The following TRIM44 variants were observed in gnomAD, a reference collection of about 807,000 sequenced individuals.
The protein encoded by TRIM44 is tripartite motif-containing protein 44.
In TRIM44, 13 loss-of-function variants were observed where a neutral mutation model predicts 37.4. The ratio of observed to expected loss-of-function variants is 0.35; its 90% CI spans 0.23 to 0.55. The LOEUF is 0.55. Among genes scored for constraint, TRIM44 ranks in the 20% least tolerant of loss-of-function variants. The probability of loss-of-function intolerance (pLI) is 0.89; values close to 1 mark genes in which losing one functional copy is unlikely to be tolerated. For missense variants in TRIM44, 426 were observed against 437.2 expected (o/e 0.97, Z 0.23); for synonymous variants, 175 against 157.2 (o/e 1.11, Z -0.85).
chr11:35,757,866 ATT>A (rs1852666197), intron 4 of TRIM44, among the ~76,000 whole-genome samples: 1 of 152,030 alleles, frequency 6.6e-6, no homozygotes, highest in Non-Finnish European at 1.5e-5. Flanking sequence ...CTCAGAGACA[ATT>A]TGTTATAATT....
At chr11:35,714,341 T>C (rs1179017405) in intron 2 of TRIM44, among the ~76,000 whole-genome samples, 1 of 152,178 alleles carries the variant, frequency 6.6e-6, no homozygotes, top group Non-Finnish European at 1.5e-5. Flanking sequence ...AATGTTATTA[T>C]TACCCTCATT....
intron 4 of TRIM44, among the ~76,000 whole-genome samples, chr11:35,793,518 C>G (rs1210228700): frequency 6.6e-6 from 1 of 152,120 alleles, no homozygotes; most frequent in Non-Finnish European, 1.5e-5. Flanking sequence ...GAGTGAGACT[C>G]TGTCTCAAAA....
chr11:35,776,192 G>A (rs529377939), intron 4 of TRIM44, among the ~76,000 whole-genome samples: 120 of 151,822 alleles, frequency 7.9e-4, no homozygotes, highest in Non-Finnish European at 1.4e-3. Context: ...GTCTTGGGAG[G>A]GTGTATGTGT....
rs188619885 is a variant in TRIM44, at chr11:35,768,953, C to A, written c.1007+33508C>A. 1.8e-3 allele frequency among the ~76,000 whole-genome samples: 281 copies of A among 152,254 alleles called. 2 individuals carry two copies. Among genetic ancestry groups the A allele is most frequent in the African/African-American group, 6.5e-3 (270 of 41,554 alleles). On this transcript the variant is annotated intron_variant, in intron 4 of 4. Coordinates refer to ENST00000299413, the MANE Select transcript of TRIM44 (RefSeq NM_017583.6). ...TGTTTTTTAATTTATAAATTCCTGA[C>A]AAACATTTAAAAATTAGAAAATGTC...
intron 4 of TRIM44, among the ~76,000 whole-genome samples, chr11:35,779,433 C>T (rs754878691): frequency 9.2e-5 from 14 of 152,042 alleles, no homozygotes; most frequent in South Asian, 2.1e-4. Context: ...GCTCACACTC[C>T]GTGAGCTGCA....
At chr11:35,764,390 C>A (rs1852766070) in intron 4 of TRIM44, among the ~76,000 whole-genome samples, 1 of 152,138 alleles carries the variant, frequency 6.6e-6, no homozygotes, top group Non-Finnish European at 1.5e-5. Context: ...GTCACTTTTC[C>A]CCTGGGATTT....
chr11:35,751,023 AT>A (rs1303033295), intron 4 of TRIM44, among the ~76,000 whole-genome samples: 2 of 152,030 alleles, frequency 1.3e-5, no homozygotes, highest in Non-Finnish European at 2.9e-5. Context: ...TAATAATGTG[AT>A]TTTTTTCCTA....
At position 35,806,519 on chromosome 11, in the gene TRIM44, C is replaced by A; in HGVS notation, c.*134C>A. 2.2e-6 allele frequency: 2 copies of A among 913,650 alleles called. No individual in the cohort carries two copies. Among genetic ancestry groups the A allele is most frequent in the Non-Finnish European group, 3.6e-6 (2 of 560,462 alleles). 56.6% of individuals were successfully genotyped at this position (913,650 alleles called of 1,614,324 possible). On this transcript the variant is annotated 3_prime_UTR_variant, in exon 5 of 5. Transcript: ENST00000299413. The stretch of plus-strand genomic sequence containing the variant: ...TCCACCAGATGTGTCCCCAGATCCA[C>A]AGCAGGCACATATCTCTCCAAGGGA...
intron 2 of TRIM44, among the ~76,000 whole-genome samples, chr11:35,700,502 T>C (rs1851772546): frequency 1.3e-5 from 2 of 152,238 alleles, no homozygotes; most frequent in Admixed American, 1.3e-4. Flanking sequence ...TTCAGTAGTC[T>C]CAATCATATG....
At chr11:35,678,203 A>C (rs1038987230) in intron 1 of TRIM44, among the ~76,000 whole-genome samples, 1 of 152,186 alleles carries the variant, frequency 6.6e-6, no homozygotes, top group African/African-American at 2.4e-5. Flanking sequence ...TCTGGTTTAT[A>C]TTCTTAAAAC....
At chr11:35,725,811 G>C in intron 2 of TRIM44, 113 bp from the exon 3 acceptor site, 1 of 1,151,178 alleles carries the variant, frequency 8.7e-7, no homozygotes, top group Non-Finnish European at 1.2e-6. Context: ...CAAAACTTTA[G>C]GATTGGATAG....
At chr11:35,735,262 A>G (rs1852314112) in intron 3 of TRIM44, among the ~76,000 whole-genome samples, 164 bp from the exon 4 acceptor site, 1 of 152,182 alleles carries the variant, frequency 6.6e-6, no homozygotes, top group Admixed American at 6.5e-5. Flanking sequence ...ATAGGATTAT[A>G]TTAGCTCTTG....
chr11:35,791,191 A>G (rs1853205053), intron 4 of TRIM44, among the ~76,000 whole-genome samples: 1 of 152,104 alleles, frequency 6.6e-6, no homozygotes, highest in Non-Finnish European at 1.5e-5. Flanking sequence ...GGCACCTGTA[A>G]TACTCTTCCA....
At chr11:35,666,421 T>C (rs1851333111) in intron 1 of TRIM44, among the ~76,000 whole-genome samples, 1 of 152,248 alleles carries the variant, frequency 6.6e-6, no homozygotes, top group African/African-American at 2.4e-5. Context: ...TGCAGGAGTG[T>C]ATTTGGATAT....
intron 4 of TRIM44, among the ~76,000 whole-genome samples, chr11:35,778,975 T>C (rs1469157647): frequency 2.0e-5 from 3 of 152,232 alleles, no homozygotes; most frequent in Non-Finnish European, 4.4e-5. Flanking sequence ...TCTTCAAAGC[T>C]GTCAGACAGG....
chr11:35,696,481 T>A (rs1851700132), intron 2 of TRIM44, among the ~76,000 whole-genome samples: 1 of 152,008 alleles, frequency 6.6e-6, no homozygotes, highest in Non-Finnish European at 1.5e-5. Flanking sequence ...TACTCACTGA[T>A]AGAGTGAAGA....
intron 2 of TRIM44, among the ~76,000 whole-genome samples, chr11:35,688,120 C>T (rs968622914): frequency 2.0e-5 from 3 of 152,214 alleles, no homozygotes; most frequent in Admixed American, 6.5e-5. Context: ...GCCCCACCAT[C>T]CCCTTTTTGA....
rs139199019 is a variant in TRIM44, at chr11:35,663,222, C to A, written c.111C>A (p.Gly37=). The A allele has an allele frequency of 1.9e-6, 3 of 1,605,834 alleles. No homozygotes were observed. The African/African-American group carries it at 4.0e-5, about 21-fold the overall frequency. Residue 37 remains glycine, a synonymous_variant, in exon 1 of 5, where the codon GGC becomes GGA. Transcript: ENST00000299413. ...CCGAGGAAGTGTGCCGAGAATGCGG[C>A]TTCTGCTACTGCCGCCGCCATGCCG... The part of the protein sequence containing the change: ...PGAEEVCREC[G]FCYCRRHAEA...
chr11:35,803,140 G>A (rs1197739314), intron 4 of TRIM44, among the ~76,000 whole-genome samples: 2 of 152,158 alleles, frequency 1.3e-5, no homozygotes, highest in Non-Finnish European at 2.9e-5. Context: ...AGATCCCACA[G>A]TTTATTAGTT....
Sources: gnomAD v4.1 joint callset for allele counts (sites outside exome capture counted in the v4.1 genomes callset) on GRCh38, gnomAD v4.1.1 for gene constraint, MANE v1.5 for transcripts, NCBI Gene and HGNC (gene_info 2026-07-23, HGNC 2026-07-21) for gene names.